Variants in SORCS1 observed in about 807,000 individuals in gnomAD.
SORCS1 encodes the protein sortilin related VPS10 domain containing receptor 1.
Under a neutral mutation model 146.1 loss-of-function variants are expected in SORCS1, and 60 were observed. The ratio of observed to expected loss-of-function variants is 0.41; its 90% CI spans 0.33 to 0.51. The LOEUF is 0.51. Ranked by LOEUF, SORCS1 falls within the 20% of genes least tolerant of loss-of-function variation. The pLI is 0.21. For missense variants in SORCS1, 1,352 were observed against 1,487.6 expected (o/e 0.91, Z 1.50); for synonymous variants, 637 against 584.0 (o/e 1.09, Z -1.31).
chr10:106,800,518 T>C (rs1055617968), intron 3 of SORCS1, among the ~76,000 whole-genome samples: 1 of 118,892 alleles, frequency 8.4e-6, no homozygotes, highest in African/African-American at 3.1e-5. Context: ...TGAATCTTTT[T>C]TTTTTTTTTT....
At chr10:106,707,952 G>T (rs904658014) in intron 7 of SORCS1, among the ~76,000 whole-genome samples, 1 of 152,162 alleles carries the variant, frequency 6.6e-6, no homozygotes. Flanking sequence ...CATCTTCACC[G>T]TCATGTGGCC....
intron 17 of SORCS1, among the ~76,000 whole-genome samples, chr10:106,656,148 T>A (rs1850267732): frequency 6.6e-6 from 1 of 152,178 alleles, no homozygotes; most frequent in Non-Finnish European, 1.5e-5. Flanking sequence ...ACAACCCCAA[T>A]TTTTAGCTAT....
intron 1 of SORCS1, among the ~76,000 whole-genome samples, chr10:106,964,896 G>T (rs187643162): frequency 2.7e-5 from 4 of 150,546 alleles, no homozygotes; most frequent in Non-Finnish European, 5.9e-5. Flanking sequence ...TTACAGGTGT[G>T]AGCCACCATG....
chr10:106,633,374 G>A lies in SORCS1; in HGVS notation c.2476-3986C>T, dbSNP rs142885148. Among the ~76,000 whole-genome samples, 348 of 151,970 alleles carry A rather than the reference G, an allele frequency of 2.3e-3. 3 individuals carry two copies. The highest frequency in any genetic ancestry group is 8.0e-3 in the African/African-American group (333 of 41,454). On this transcript the variant is annotated intron_variant, in intron 18 of 25. Transcript: ENST00000263054. The stretch of plus-strand genomic sequence containing the variant: ...AAATATATAATAAATTATTGTTAAC[G>A]AAAGTTAACACTGTACTGTGCTATA...
chr10:106,857,438 T>C (rs1949831878), intron 2 of SORCS1, among the ~76,000 whole-genome samples: 1 of 152,210 alleles, frequency 6.6e-6, no homozygotes, highest in Non-Finnish European at 1.5e-5. Flanking sequence ...CAAGATGTCC[T>C]GAAAGCGGAA....
chr10:106,868,479 C>T (rs1294957833), intron 2 of SORCS1, among the ~76,000 whole-genome samples: 1 of 152,070 alleles, frequency 6.6e-6, no homozygotes, highest in East Asian at 1.9e-4. Context: ...GGAAAAGAAC[C>T]AAATTCATAC....
At chr10:107,072,918 G>A (rs981095780) in intron 1 of SORCS1, among the ~76,000 whole-genome samples, 4 of 152,072 alleles carry the variant, frequency 2.6e-5, no homozygotes, top group Non-Finnish European at 5.9e-5. Context: ...TTCCTAGTAG[G>A]GCACTCAGCG....
intron 1 of SORCS1, among the ~76,000 whole-genome samples, chr10:107,058,684 A>C (rs1960882538): frequency 6.6e-6 from 1 of 152,198 alleles, no homozygotes; most frequent in African/African-American, 2.4e-5. Context: ...AATAATACTT[A>C]TCTCATAGGG....
intron 10 of SORCS1, among the ~76,000 whole-genome samples, chr10:106,680,099 T>C (rs752790332): frequency 1.4e-4 from 22 of 152,162 alleles, no homozygotes; most frequent in Non-Finnish European, 2.6e-4. Context: ...TAGTATGAGA[T>C]TCTAGAAGGT....
Position 106,705,383 on chromosome 10 carries a change from A to G in SORCS1, c.1233+1162T>C, listed in dbSNP as rs148225675. Among the ~76,000 whole-genome samples, 501 of 152,200 alleles carry G rather than the reference A, an allele frequency of 3.3e-3. 6 individuals are homozygous for G. Among genetic ancestry groups the G allele is most frequent in the African/African-American group, 0.011 (473 of 41,538 alleles). On this transcript the variant is annotated intron_variant, in intron 8 of 25. Coordinates refer to ENST00000263054, the MANE Select transcript of SORCS1 (RefSeq NM_052918.5). ...AATTCATCCTGGAGAAACCAGAACA[A>G]TCTGTTACCACTGGCTCTCCCGGGA...
chr10:106,933,477 T>C (rs1953525270), intron 2 of SORCS1, among the ~76,000 whole-genome samples: 1 of 152,230 alleles, frequency 6.6e-6, no homozygotes, highest in South Asian at 2.1e-4. Context: ...ATATAATCAA[T>C]GATTTATTAA....
intron 3 of SORCS1, among the ~76,000 whole-genome samples, chr10:106,823,625 C>T (rs924498714): frequency 6.6e-6 from 1 of 152,136 alleles, no homozygotes; most frequent in African/African-American, 2.4e-5. Flanking sequence ...CCATCTAGGT[C>T]CTCGCATTCT....
intron 1 of SORCS1, 67 bp downstream of exon 1, chr10:107,163,902 G>C (rs919563096): frequency 6.6e-7 from 1 of 1,522,590 alleles, no homozygotes; most frequent in African/African-American, 1.4e-5. Context: ...TTCTCCATCA[G>C]ATCACACAGC....
chr10:106,688,328 A>T lies in SORCS1; in HGVS notation c.1424T>A (p.Ile475Lys). 6.2e-7 allele frequency: 1 copy of T among 1,613,088 alleles called. No individual in the cohort carries two copies. Among genetic ancestry groups the T allele is most frequent in the East Asian group, 2.2e-5 (1 of 44,806 alleles). ...CTTGTTAGCCAAGAACATTCCCTTT[A>T]TCCCTGCTACCTGGGAAAAATTGAC... ...IMIDLYEVAG[I>K]KGMFLANKKI... The change falls in exon 10 of 26, where the codon ATA becomes AAA. Residue 475 changes from isoleucine to lysine, a missense_variant. This residue lies in a region of SORCS1 where 648 missense variants were observed against 793.8 expected (regional missense o/e 0.82). Coordinates refer to ENST00000263054, the MANE Select transcript of SORCS1 (RefSeq NM_052918.5).
intron 1 of SORCS1, among the ~76,000 whole-genome samples, chr10:107,001,773 T>A (rs1162791625): frequency 6.6e-6 from 1 of 152,204 alleles, no homozygotes; most frequent in Non-Finnish European, 1.5e-5. Context: ...TGAAATAAAC[T>A]GTTTATAAGC....
At chr10:107,013,924 C>T (rs544731771) in intron 1 of SORCS1, among the ~76,000 whole-genome samples, 1 of 152,210 alleles carries the variant, frequency 6.6e-6, no homozygotes, top group South Asian at 2.1e-4. Context: ...ACAGAGAAGG[C>T]CCACCCAGTT....
intron 1 of SORCS1, among the ~76,000 whole-genome samples, chr10:107,105,548 T>G (rs1454814667): frequency 6.6e-6 from 1 of 152,154 alleles, no homozygotes; most frequent in Non-Finnish European, 1.5e-5. Flanking sequence ...GGCAAATCAC[T>G]GGTATGAGTC....
intron 2 of SORCS1, among the ~76,000 whole-genome samples, chr10:106,901,570 A>G (rs1951701876): frequency 6.6e-6 from 1 of 152,098 alleles, no homozygotes; most frequent in African/African-American, 2.4e-5. Flanking sequence ...AGTACCTGAG[A>G]CTAAAGGCAT....
At chr10:106,943,070 C>T (rs943316945) in intron 2 of SORCS1, among the ~76,000 whole-genome samples, 2 of 152,176 alleles carry the variant, frequency 1.3e-5, no homozygotes, top group Non-Finnish European at 2.9e-5. Context: ...GTGGGCATCA[C>T]TAGGACAGAC....
Sources: gnomAD v4.1 joint callset for allele counts (sites outside exome capture counted in the v4.1 genomes callset) on GRCh38, gnomAD v4.1.1 for gene constraint, gnomAD v4.1.1 regional missense constraint, MANE v1.5 for transcripts, NCBI Gene and HGNC (gene_info 2026-07-23, HGNC 2026-07-21) for gene names.